Variants in NNT observed in about 807,000 individuals in gnomAD.
The protein encoded by NNT is nicotinamide nucleotide transhydrogenase, also known as NAD(P) transhydrogenase, mitochondrial.
Under a neutral mutation model 104.8 loss-of-function variants are expected in NNT, and 50 were observed. That is an observed-to-expected ratio of 0.48 (90% confidence interval 0.38 to 0.60). NNT has a LOEUF of 0.60. NNT is among the 20% of genes least tolerant of loss of function. The pLI is 0.00. For missense variants in NNT, 1,131 were observed against 1,330.7 expected (o/e 0.85, Z 2.33); for synonymous variants, 461 against 490.4 (o/e 0.94, Z 0.79).
chr5:43,615,887 G>A lies in NNT; in HGVS notation c.421G>A (p.Glu141Lys). 1 of 1,614,140 alleles carries A rather than the reference G, an allele frequency of 6.2e-7. No individual in the cohort carries two copies. The highest frequency in any genetic ancestry group is 2.2e-5 in the East Asian group (1 of 44,888). The change falls in exon 4 of 22, where the codon GAA (glutamate) becomes AAA (lysine). Residue 141 changes from glutamate (E) to lysine (K), a missense_variant. Coordinates refer to ENST00000344920, the MANE Select transcript of NNT (RefSeq NM_182977.3). Reference protein sequence around the residue: ...PMVNPTLGVHEADLLKTSGTL... With the variant: ...PMVNPTLGVHKADLLKTSGTL... ...GGTTAATCCAACATTAGGTGTTCAT[G>A]AAGCTGACCTTTTAAAGACATCAGG...
chr5:43,631,420 A>G (rs1490105242), intron 7 of NNT, among the ~76,000 whole-genome samples: 2 of 152,152 alleles, frequency 1.3e-5, no homozygotes, highest in African/African-American at 4.8e-5. Context: ...TGAGGAAGGA[A>G]TGGGGTGACA....
At chr5:43,701,285 C>T (rs1183860858) in intron 20 of NNT, among the ~76,000 whole-genome samples, 1 of 152,064 alleles carries the variant, frequency 6.6e-6, no homozygotes, top group Non-Finnish European at 1.5e-5. Flanking sequence ...TATTTATGTT[C>T]CTGAGTACCC....
At chr5:43,688,531 A>G (rs921197662) in intron 19 of NNT, among the ~76,000 whole-genome samples, 2 of 152,126 alleles carry the variant, frequency 1.3e-5, no homozygotes, top group African/African-American at 4.8e-5. Flanking sequence ...TGTACACTGT[A>G]CCCAATGTGT....
intron 16 of NNT, among the ~76,000 whole-genome samples, chr5:43,657,284 C>T (rs574610040): frequency 6.6e-6 from 1 of 152,336 alleles, no homozygotes; most frequent in South Asian, 2.1e-4. Context: ...ACCCTGTATG[C>T]TCAGTGAGAG....
At chr5:43,703,710 C>G (rs1742975729) in intron 21 of NNT, among the ~76,000 whole-genome samples, 1 of 152,124 alleles carries the variant, frequency 6.6e-6, no homozygotes, top group Non-Finnish European at 1.5e-5. Context: ...CTTACCTCTT[C>G]CATTTTGATT....
chr5:43,665,219 T>TTATTATTATTA (rs1168907596), intron 17 of NNT, among the ~76,000 whole-genome samples: 10 of 116,838 alleles, frequency 8.6e-5, no homozygotes, highest in African/African-American at 3.6e-4. Context: ...TATTTATTTA[T>TTATTATTATTA]TTATTATTAT....
intron 17 of NNT, among the ~76,000 whole-genome samples, chr5:43,672,932 C>A (rs552990731): frequency 1.3e-5 from 2 of 152,326 alleles, no homozygotes; most frequent in East Asian, 1.9e-4. Context: ...TGGGCTCCAC[C>A]CAGTTCGAGC....
At chr5:43,644,371 G>C in intron 8 of NNT, 46 bp downstream of exon 8, 1 of 1,582,046 alleles carries the variant, frequency 6.3e-7, no homozygotes, top group Non-Finnish European at 8.6e-7. Flanking sequence ...CTCATGTCTT[G>C]AGTTATGGGG....
rs756326217 is a variant in NNT, at chr5:43,704,347, T to C, written c.3204T>C (p.Asp1068=). 6.2e-7 allele frequency: 1 copy of C among 1,613,796 alleles called. No individual in the cohort carries two copies. The highest frequency in any genetic ancestry group is 2.2e-5 in the East Asian group (1 of 44,858). The change falls in exon 22 of 22, where the codon GAT becomes GAC. Residue 1068 remains aspartate (D), a synonymous_variant. Coordinates refer to ENST00000344920, the MANE Select transcript of NNT (RefSeq NM_182977.3). ...YKPNTAMLLG[D]AKKTCDALQA... ...CTAACACGGCCATGCTTCTAGGTGA[T>C]GCCAAGAAAACATGTGACGCGCTCC...
chr5:43,681,259 CAAAA>C (rs559273026), intron 19 of NNT, among the ~76,000 whole-genome samples: 3 of 58,704 alleles, frequency 5.1e-5, no homozygotes, highest in African/African-American at 1.1e-4. Context: ...GGCTCCTTCT[CAAAA>C]AAAAAAAAAA....
chr5:43,680,404 C>A (rs1741641448), intron 19 of NNT, among the ~76,000 whole-genome samples: 1 of 152,134 alleles, frequency 6.6e-6, no homozygotes, highest in Non-Finnish European at 1.5e-5. Context: ...CTGTGGAGCT[C>A]CCACGGTGTT....
At chr5:43,626,914 C>A (rs1199862657) in intron 6 of NNT, among the ~76,000 whole-genome samples, 1 of 151,806 alleles carries the variant, frequency 6.6e-6, no homozygotes, top group Non-Finnish European at 1.5e-5. Flanking sequence ...TTGAATTCAT[C>A]TAATTCTTAT....
intron 2 of NNT, among the ~76,000 whole-genome samples, chr5:43,611,869 A>G (rs1369522512): frequency 6.6e-6 from 1 of 152,226 alleles, no homozygotes; most frequent in Non-Finnish European, 1.5e-5. Context: ...GATGTCCTGT[A>G]GCTAAAGATG....
rs370411571 is a variant in NNT, at chr5:43,664,672, G to A, written c.2634+5322G>A. 3.9e-5 allele frequency among the ~76,000 whole-genome samples: 6 copies of A among 152,076 alleles called. No homozygotes were observed. The East Asian group carries it at 1.2e-3, about 29-fold the overall frequency. On this transcript the variant is annotated intron_variant, in intron 17 of 21. Transcript: ENST00000344920. ...TGCAAATTCTTTGTCTTGGAAGCTG[G>A]GAACTGTTCAATCTCTGGAACAGTG...
chr5:43,703,319 C>G (rs1742954697), intron 21 of NNT, among the ~76,000 whole-genome samples: 1 of 152,228 alleles, frequency 6.6e-6, no homozygotes, highest in Non-Finnish European at 1.5e-5. Context: ...CATTTTACCA[C>G]TACTGAGTCA....
chr5:43,669,114 T>G (rs1198068712), intron 17 of NNT, among the ~76,000 whole-genome samples: 1 of 152,180 alleles, frequency 6.6e-6, no homozygotes, highest in Non-Finnish European at 1.5e-5. Context: ...TGCTTGTGAT[T>G]TTTGCACATT....
intron 17 of NNT, among the ~76,000 whole-genome samples, chr5:43,664,695 G>A (rs564146169): frequency 2.0e-5 from 3 of 152,084 alleles, no homozygotes; most frequent in Non-Finnish European, 4.4e-5. Flanking sequence ...CTCTGGAACA[G>A]TGGTCATAGG....
rs1345710833 is a variant in NNT, at chr5:43,653,210, A to G, written c.2056A>G (p.Ile686Val). 4 of 1,612,534 alleles carry G rather than the reference A, an allele frequency of 2.5e-6. No homozygotes were observed. Among genetic ancestry groups the G allele is most frequent in the African/African-American group, 1.3e-5 (1 of 74,914 alleles). The part of the protein sequence containing the change: ...MSGAMALGGT[I>V]GLTIAKRIQI... ...TGGAGCGATGGCTTTGGGTGGTACC[A>G]TTGGTAAGCACTTGTGGGCTTCTGC... Residue 686 changes from isoleucine to valine, a missense_variant, in exon 14 of 22, where the codon ATT becomes GTT. Coordinates refer to ENST00000344920, the MANE Select transcript of NNT (RefSeq NM_182977.3).
chr5:43,695,030 G>A (rs768164149), intron 19 of NNT, among the ~76,000 whole-genome samples: 52 of 152,070 alleles, frequency 3.4e-4, no homozygotes, highest in Middle Eastern at 3.4e-3. Flanking sequence ...GTCTTGGGAC[G>A]GTGTATGTGT....
Sources: allele counts gnomAD v4.1 joint callset (sites outside exome capture counted in the v4.1 genomes callset), GRCh38; gene constraint gnomAD v4.1.1; transcripts MANE v1.5; gene names NCBI Gene and HGNC (gene_info 2026-07-23, HGNC 2026-07-21).